DMWD: variants seen among roughly 807,000 people sequenced by gnomAD.
DMWD encodes dystrophia myotonica WD repeat-containing protein.
In DMWD, 19 loss-of-function variants were observed where a neutral mutation model predicts 45.8. The observed-to-expected ratio is 0.41, with a 90% CI of 0.29 to 0.61. The LOEUF (loss-of-function observed/expected upper bound fraction) is 0.61, where lower values mean the gene tolerates loss of function less well. DMWD is among the 20% of genes least tolerant of loss of function. DMWD has a pLI of 0.25. For missense variants in DMWD, 802 were observed against 965.2 expected (o/e 0.83, Z 2.24); for synonymous variants, 515 against 440.5 (o/e 1.17, Z -2.12).
chr19:45,784,957 G>T (rs1380391321), intron 3 of DMWD, among the ~76,000 whole-genome samples: 3 of 152,134 alleles, frequency 2.0e-5, no homozygotes, highest in African/African-American at 7.2e-5. Context: ...GGCCTGATTC[G>T]CCTACTATGA....
chr19:45,784,124 C>A lies in DMWD; in HGVS notation c.*119G>T. The A allele has an allele frequency of 1.1e-6, 1 of 920,872 alleles. No individual in the cohort carries two copies. The highest frequency in any genetic ancestry group is 1.7e-6 in the Non-Finnish European group (1 of 575,530). The allele number at this position is 920,872 out of a possible 1,614,324, so 57.0% of individuals were successfully genotyped here. A position where few individuals can be genotyped will look rare whatever the true frequency, so the allele number is the denominator to read the frequency against. On this transcript the variant is annotated 3_prime_UTR_variant, in exon 5 of 5. Coordinates refer to ENST00000270223, the MANE Select transcript of DMWD (RefSeq NM_004943.2). ...CCCAAATTTTGTGCAGGTGGGGGGA[C>A]TGGAGCAGTCCATCCATCATGGTTA...
At chr19:45,790,595 G>C (rs557940774) in intron 2 of DMWD, 1 of 188,144 alleles carries the variant, frequency 5.3e-6, no homozygotes, top group East Asian at 1.3e-4. Flanking sequence ...GGATCTTGCA[G>C]TGAGCAGAGA....
Position 45,786,854 on chromosome 19 carries a change from G to A in DMWD, c.642C>T (p.Thr214=). 6.2e-7 allele frequency: 1 copy of A among 1,613,880 alleles called. No homozygotes were observed. Among genetic ancestry groups the A allele is most frequent in the Non-Finnish European group, 8.5e-7 (1 of 1,179,952 alleles). The part of the protein sequence containing the change: ...LFNEERLIDK[T]KVTYLKWLPE... Reference sequence around the variant, plus strand: ...GCAGCCACTTCAGATATGTCACCTTGGTCTTGTCGATCAACCGCTGCCAGG... The same window carrying A: ...GCAGCCACTTCAGATATGTCACCTTAGTCTTGTCGATCAACCGCTGCCAGG... Residue 214 remains threonine, a synonymous_variant, in exon 3 of 5, where the codon ACC becomes ACT. Coordinates refer to ENST00000270223, the MANE Select transcript of DMWD (RefSeq NM_004943.2).
Position 45,783,375 on chromosome 19 carries a change from A to G in DMWD, c.*868T>C, listed in dbSNP as rs1317100486. 5.1e-6 allele frequency: 2 copies of G among 391,030 alleles called. No homozygotes were observed. The highest frequency in any genetic ancestry group is 4.5e-5 in the Admixed American group (1 of 22,436). The allele number at this position is 391,030 out of a possible 1,614,324, so 24.2% of individuals were successfully genotyped here. The stretch of plus-strand genomic sequence containing the variant: ...GGGCCTTGAGAGGGCCAGGCCTGAG[A>G]AACTAGGAGGCAAGGACCGAGGAGT... On this transcript the variant is annotated 3_prime_UTR_variant, in exon 5 of 5. Transcript: ENST00000270223.
At chr19:45,788,608 T>C (rs1970313858) in intron 2 of DMWD, among the ~76,000 whole-genome samples, 1 of 152,204 alleles carries the variant, frequency 6.6e-6, no homozygotes. Flanking sequence ...CAATCCTGCA[T>C]TTGTCCTAGC....
At chr19:45,789,312 T>A (rs1305159830) in intron 2 of DMWD, 1 of 152,208 alleles carries the variant, frequency 6.6e-6, no homozygotes, top group East Asian at 1.9e-4. Context: ...TTCACTCCCT[T>A]CAGCCATTCA....
Position 45,785,923 on chromosome 19 carries a change from T to A in DMWD, c.1573A>T (p.Thr525Ser), listed in dbSNP as rs1294714087. ...GTPFSIGRFA[T>S]LTLQERRDRG... is the part of the protein sequence containing the mutation. Reference sequence around the variant, plus strand: ...TCCCGCCGCTCCTGCAGTGTGAGCGTGGCGAAGCGGCCAATGCTGAATGGT... The same window carrying A: ...TCCCGCCGCTCCTGCAGTGTGAGCGAGGCGAAGCGGCCAATGCTGAATGGT... Residue 525 changes from threonine to serine, a missense_variant, in exon 3 of 5, where the codon ACG becomes TCG. Thr to Ser is a moderately conservative substitution (Grantham distance 58). Transcript: ENST00000270223. 1.2e-6 allele frequency: 2 copies of A among 1,601,782 alleles called. No individual in the cohort carries two copies. Among genetic ancestry groups the A allele is most frequent in the African/African-American group, 2.7e-5 (2 of 74,840 alleles).
Position 45,792,769 on chromosome 19 carries a change from C to A in DMWD, c.-13G>T. ...CGCCCGCCGCCATCTTGGGCGCCCC[C>A]CGGGCCCCGCCACTGCCGGACTGCC... On this transcript the variant is annotated 5_prime_UTR_variant, in exon 1 of 5. Transcript: ENST00000270223. 2 of 1,119,606 alleles carry A rather than the reference C, an allele frequency of 1.8e-6. No homozygotes were observed. The highest frequency in any genetic ancestry group is 2.2e-6 in the Non-Finnish European group (2 of 916,506). 69.4% of individuals were successfully genotyped at this position (1,119,606 alleles called of 1,614,324 possible).
Position 45,792,373 on chromosome 19 carries a change from G to T in DMWD, c.384C>A (p.Phe128Leu). 6.2e-7 allele frequency: 1 copy of T among 1,608,538 alleles called. No homozygotes were observed. Among genetic ancestry groups the T allele is most frequent in the Non-Finnish European group, 8.5e-7 (1 of 1,177,556 alleles). ...GLGSGGDRVC[F>L]NLGRELYFYP... ...AGAAATAGAGCTCACGGCCCAAGTT[G>T]AAGCAGACGCGGTCTCCCCCCGAGC... is the stretch of plus-strand genomic sequence containing the variant. The change falls in exon 1 of 5, where the codon TTC becomes TTA. Residue 128 changes from phenylalanine to leucine, a missense_variant. Phe to Leu is a conservative substitution (Grantham distance 22). This residue lies in a region of DMWD where 82 missense variants were observed against 92.9 expected (regional missense o/e 0.88). Transcript: ENST00000270223.
At chr19:45,788,837 G>A (rs1970317540) in intron 2 of DMWD, among the ~76,000 whole-genome samples, 1 of 151,968 alleles carries the variant, frequency 6.6e-6, no homozygotes, top group Non-Finnish European at 1.5e-5. Flanking sequence ...GCTGATATGG[G>A]AGGACTGCTT....
rs371338815 is a variant in DMWD at position 45,788,002 on chromosome 19, G to A, written c.625-1131C>T. 3.8e-4 allele frequency among the ~76,000 whole-genome samples: 58 copies of A among 152,240 alleles called. No individual in the cohort carries two copies. In the East Asian group the frequency reaches 6.0e-3, roughly 16 times the overall value. On this transcript the variant is annotated intron_variant, in intron 2 of 4. Transcript: ENST00000270223. ...GGCTGAGGCAGAATTGCTTGAACCC[G>A]GGAGGCGGAGGTTGCAGTGAGGGGA...
At chr19:45,789,922 G>C (rs558127424) in intron 2 of DMWD, 1 of 152,242 alleles carries the variant, frequency 6.6e-6, no homozygotes, top group African/African-American at 2.4e-5. Context: ...AGGCCGAGGC[G>C]GGCAGATCAC....
rs1023142455 is a variant in DMWD at position 45,783,617 on chromosome 19, C to T, written c.*626G>A. On this transcript the variant is annotated 3_prime_UTR_variant, in exon 5 of 5. Transcript: ENST00000270223. Reference sequence around the variant, plus strand: ...TCCTGCTATGAAAAGGGGTGGGAGGCGCTGGGCTGGGAGCAGGCCTGCACT... The same window carrying T: ...TCCTGCTATGAAAAGGGGTGGGAGGTGCTGGGCTGGGAGCAGGCCTGCACT... The T allele has an allele frequency of 1.0e-5, 4 of 398,812 alleles. No homozygotes were observed. Among genetic ancestry groups the T allele is most frequent in the African/African-American group, 4.1e-5 (2 of 48,602 alleles). The allele number at this position is 398,812 out of a possible 1,614,324, so 24.7% of individuals were successfully genotyped here. A position where few individuals can be genotyped will look rare whatever the true frequency, so the allele number is the denominator to read the frequency against.
intron 2 of DMWD, 173 bp downstream of exon 2, chr19:45,790,732 G>A: frequency 1.6e-6 from 1 of 626,550 alleles, no homozygotes; most frequent in Non-Finnish European, 2.7e-6. Flanking sequence ...ACACAGCACA[G>A]GGCCTGGGTA....
At position 45,784,513 on chromosome 19, in the gene DMWD, T is replaced by C. The variant is rs1057221070; in HGVS notation, c.1977+128A>G. ...CAGCACTTTCACGCAATAATCAAAG[T>C]CCTTGGCGGATCCTGAGTGAGACCA... is the stretch of plus-strand genomic sequence containing the variant. On this transcript the variant is annotated intron_variant, in intron 4 of 4. Transcript: ENST00000270223. 23 of 1,413,016 alleles carry C rather than the reference T, an allele frequency of 1.6e-5. No homozygotes were observed. The African/African-American group carries it at 1.9e-4, about 12-fold the overall frequency. 87.5% of individuals were successfully genotyped at this position (1,413,016 alleles called of 1,614,324 possible). A position where few individuals can be genotyped will look rare whatever the true frequency, so the allele number is the denominator to read the frequency against.
intron 2 of DMWD, chr19:45,787,187 C>G (rs952493157): frequency 9.1e-6 from 4 of 440,962 alleles, no homozygotes; most frequent in Admixed American, 7.6e-5. Flanking sequence ...GGTCCTCAAC[C>G]TCCGGGCCAT....
chr19:45,791,510 C>T (rs1281762496), intron 1 of DMWD, among the ~76,000 whole-genome samples: 1 of 152,124 alleles, frequency 6.6e-6, no homozygotes, highest in Non-Finnish European at 1.5e-5. Context: ...ATTTCCAGGA[C>T]TCTAAAGCCT....
rs750691327 is a variant in DMWD at position 45,791,031 on chromosome 19, G to A, written c.498C>T (p.Thr166=). The change falls in exon 2 of 5, where the codon ACC becomes ACT. Residue 166 remains threonine, a synonymous_variant. Transcript: ENST00000270223. ...CAGTGAACTGGTTGAAATCGTGGCA[G>A]GTGGGCTGGGTGCCCTTGTAGATCC... ...DKRIYKGTQP[T]CHDFNQFTAA... 1.2e-6 allele frequency: 2 copies of A among 1,613,674 alleles called. No homozygotes were observed. The highest frequency in any genetic ancestry group is 3.3e-5 in the Admixed American group (2 of 59,888).
intron 1 of DMWD, among the ~76,000 whole-genome samples, 159 bp from the exon 2 acceptor site, chr19:45,791,246 C>T (rs949852902): frequency 2.0e-5 from 3 of 151,926 alleles, no homozygotes; most frequent in Non-Finnish European, 4.4e-5. Context: ...CAACCACAGA[C>T]GGGAAGGGGA....
Sources: gnomAD v4.1 joint callset for allele counts (sites outside exome capture counted in the v4.1 genomes callset) on GRCh38, gnomAD v4.1.1 for gene constraint, gnomAD v4.1.1 regional missense constraint, MANE v1.5 for transcripts, NCBI Gene and HGNC (gene_info 2026-07-23, HGNC 2026-07-21) for gene names.